RCOR1: variants seen among roughly 807,000 people sequenced by gnomAD.
RCOR1 encodes the protein REST corepressor.
RCOR1 carries 12 observed loss-of-function variants against 64.0 expected under a neutral mutation model. The observed-to-expected ratio is 0.19, with a 90% confidence interval of 0.12 to 0.30. RCOR1 has a LOEUF of 0.30. RCOR1 is among the 10% of genes least tolerant of loss of function. The pLI is 1.00. For missense variants in RCOR1, 502 were observed against 621.2 expected, an observed-to-expected ratio of 0.81 and a Z score of 2.04; for synonymous variants, 279 against 227.2, an observed-to-expected ratio of 1.23 and a Z score of -2.05.
At chr14:102,639,650 C>T (rs944963693) in intron 2 of RCOR1, among the ~76,000 whole-genome samples, 12 of 150,768 alleles carry the variant, frequency 8.0e-5, no homozygotes, top group Non-Finnish European at 1.5e-4. Context: ...TCTCCTGCCT[C>T]AGCCTCCCTA....
rs1348194374 is a variant in RCOR1, at chr14:102,632,691, CT to C, written c.361+39370del. Among the ~76,000 whole-genome samples, 456 of 108,306 alleles carry C rather than the reference CT, an allele frequency of 4.2e-3. 2 individuals carry two copies. The highest frequency in any genetic ancestry group is 6.5e-3 in the Non-Finnish European group (356 of 54,436). The allele number at this position is 108,306 out of a possible 152,430, so 71.1% of individuals were successfully genotyped here. A position where few individuals can be genotyped will look rare whatever the true frequency, so the allele number is the denominator to read the frequency against. The stretch of plus-strand genomic sequence containing the variant: ...TTCCTTTCCTTTCCTTTTCCTTTTC[CT>C]TTTCCTTTCCTTTCCTTTTCCTTTC... On this transcript the variant is annotated intron_variant, in intron 2 of 11. Transcript: ENST00000262241.
At chr14:102,659,865 A>G (rs1894796265) in intron 2 of RCOR1, among the ~76,000 whole-genome samples, 1 of 152,206 alleles carries the variant, frequency 6.6e-6, no homozygotes, top group Non-Finnish European at 1.5e-5. Context: ...GGAATGTGGG[A>G]GAAGACAGCC....
intron 2 of RCOR1, chr14:102,658,402 G>A (rs770731902): frequency 8.4e-5 from 37 of 442,614 alleles, no homozygotes; most frequent in Non-Finnish European, 1.1e-4. Context: ...CATGAGAAGT[G>A]CTTGAACTAG....
intron 11 of RCOR1, among the ~76,000 whole-genome samples, chr14:102,724,754 C>G (rs1264980390): frequency 6.6e-6 from 1 of 152,182 alleles, no homozygotes; most frequent in Non-Finnish European, 1.5e-5. Flanking sequence ...AGCTGCTTCT[C>G]TGTGTCCAAG....
intron 2 of RCOR1, among the ~76,000 whole-genome samples, chr14:102,676,834 G>T (rs1367153941): frequency 1.1e-5 from 1 of 92,140 alleles, no homozygotes. Flanking sequence ...CCTCCCGGAC[G>T]GGGCGGCTGG....
intron 2 of RCOR1, among the ~76,000 whole-genome samples, chr14:102,595,127 A>G (rs930976904): frequency 6.6e-6 from 1 of 152,220 alleles, no homozygotes; most frequent in African/African-American, 2.4e-5. Flanking sequence ...GAAACAGCAA[A>G]TATAATATTT....
chr14:102,727,696 TATTGGTCTAGTG>T lies in RCOR1; in HGVS notation c.*1192_*1203del, dbSNP rs1896296900. 6.6e-6 allele frequency: 1 copy of T among 152,188 alleles called. No homozygotes were observed. Among genetic ancestry groups the T allele is most frequent in the Non-Finnish European group, 1.5e-5 (1 of 68,028 alleles). 9.4% of individuals were successfully genotyped at this position (152,188 alleles called of 1,614,324 possible). A position where few individuals can be genotyped will look rare whatever the true frequency, so the allele number is the denominator to read the frequency against. ...GTACAGGACAGAGAAGTGATCAATG[TATTGGTCTAGTG>T]AGACTGAGATGAAAAGAAATAACCT... On this transcript the variant is annotated 3_prime_UTR_variant, in exon 12 of 12. Coordinates refer to ENST00000262241, the MANE Select transcript of RCOR1 (RefSeq NM_015156.4).
At chr14:102,638,366 G>T (rs989842787) in intron 2 of RCOR1, among the ~76,000 whole-genome samples, 4 of 152,086 alleles carry the variant, frequency 2.6e-5, no homozygotes, top group Non-Finnish European at 5.9e-5. Flanking sequence ...TTATAGCGTT[G>T]TCTTCTTTTC....
At chr14:102,708,653 A>ATG in intron 6 of RCOR1, 70 bp downstream of exon 6, 5 of 838,208 alleles carry the variant, frequency 6.0e-6, no homozygotes, top group Non-Finnish European at 9.9e-6. Flanking sequence ...ACACAAAGGC[A>ATG]AGGCAGAATG....
chr14:102,648,497 G>A (rs1894519889), intron 2 of RCOR1, among the ~76,000 whole-genome samples: 1 of 152,208 alleles, frequency 6.6e-6, no homozygotes, highest in Non-Finnish European at 1.5e-5. Flanking sequence ...TTCTCTTGAA[G>A]TGGAGAATAG....
At chr14:102,718,983 G>T (rs1164369604) in intron 8 of RCOR1, among the ~76,000 whole-genome samples, 3 of 152,056 alleles carry the variant, frequency 2.0e-5, no homozygotes, top group Admixed American at 6.6e-5. Context: ...TAGAGACAGG[G>T]TCTTGCTGTG....
intron 2 of RCOR1, among the ~76,000 whole-genome samples, chr14:102,678,872 A>G (rs894257296): frequency 5.9e-5 from 9 of 152,156 alleles, no homozygotes; most frequent in Admixed American, 1.3e-4. Flanking sequence ...ACATTTTCCT[A>G]ATGGCTAATG....
intron 2 of RCOR1, among the ~76,000 whole-genome samples, chr14:102,615,284 C>T (rs1038557505): frequency 1.3e-5 from 2 of 148,520 alleles, no homozygotes; most frequent in African/African-American, 4.9e-5. Flanking sequence ...AGGTGTATGT[C>T]GTCATGCCTG....
At chr14:102,675,469 TAGTA>T (rs568034369) in intron 2 of RCOR1, among the ~76,000 whole-genome samples, 38 of 152,330 alleles carry the variant, frequency 2.5e-4, no homozygotes, top group African/African-American at 7.9e-4. Context: ...TTGGGGCTGT[TAGTA>T]AGTAAAATAC....
At chr14:102,638,484 T>G (rs2139918218) in intron 2 of RCOR1, among the ~76,000 whole-genome samples, 1 of 152,162 alleles carries the variant, frequency 6.6e-6, no homozygotes, top group South Asian at 2.1e-4. Context: ...TAGCTGGAAT[T>G]ACAGGCCCCT....
intron 2 of RCOR1, among the ~76,000 whole-genome samples, chr14:102,622,566 C>T (rs1050335686): frequency 2.6e-5 from 4 of 152,046 alleles, no homozygotes; most frequent in African/African-American, 9.7e-5. Flanking sequence ...TGGAACTTTT[C>T]CCTGAGCCCT....
chr14:102,692,202 GATGAA>G (rs1895547486), intron 3 of RCOR1, among the ~76,000 whole-genome samples: 1 of 152,144 alleles, frequency 6.6e-6, no homozygotes, highest in Non-Finnish European at 1.5e-5. Context: ...TATATGTAGG[GATGAA>G]ATGAAATAAT....
At chr14:102,722,912 G>T (rs1239029331) in intron 11 of RCOR1, among the ~76,000 whole-genome samples, 1 of 152,170 alleles carries the variant, frequency 6.6e-6, no homozygotes, top group Admixed American at 6.5e-5. Flanking sequence ...GGGCTGATTG[G>T]CTTAAGTATT....
At chr14:102,710,869 A>C (rs781455989) in intron 6 of RCOR1, 66 bp from the exon 7 acceptor site, 2 of 1,114,674 alleles carry the variant, frequency 1.8e-6, no homozygotes, top group Admixed American at 4.5e-5. Context: ...AGTTAAATCA[A>C]TTTATCGTTT....
Sources: allele counts gnomAD v4.1 joint callset (sites outside exome capture counted in the v4.1 genomes callset), GRCh38; gene constraint gnomAD v4.1.1; transcripts MANE v1.5; gene names NCBI Gene and HGNC (gene_info 2026-07-23, HGNC 2026-07-21).